The following KCMF1 variants were observed in gnomAD, a reference collection of about 807,000 sequenced individuals.
The protein encoded by KCMF1 is E3 ubiquitin-protein ligase KCMF1.
KCMF1 carries 3 observed loss-of-function variants against 41.1 expected under a neutral mutation model. That is an observed-to-expected ratio of 0.07 (90% CI 0.03 to 0.19). The LOEUF (loss-of-function observed/expected upper bound fraction) is 0.19, where lower values mean the gene tolerates loss of function less well. Among genes scored for constraint, KCMF1 ranks in the 10% least tolerant of loss-of-function variants. The pLI is 1.00. For missense variants in KCMF1, 286 were observed against 488.9 expected, an observed-to-expected ratio of 0.58 and a Z score of 3.91; for synonymous variants, 142 against 164.5, an observed-to-expected ratio of 0.86 and a Z score of 1.04.
intron 1 of KCMF1, among the ~76,000 whole-genome samples, chr2:84,999,580 A>G (rs951780553): frequency 6.6e-6 from 1 of 152,262 alleles, no homozygotes; most frequent in Non-Finnish European, 1.5e-5. Flanking sequence ...CCTACTTACA[A>G]TAAATAAGTT....
intron 1 of KCMF1, among the ~76,000 whole-genome samples, chr2:85,025,496 T>A (rs1675075854): frequency 6.6e-6 from 1 of 152,290 alleles, no homozygotes; most frequent in African/African-American, 2.4e-5. Flanking sequence ...ACTTGAAAAC[T>A]CTCTACCCAC....
At chr2:85,048,838 C>T (rs1675734182) in intron 5 of KCMF1, among the ~76,000 whole-genome samples, 1 of 152,214 alleles carries the variant, frequency 6.6e-6, no homozygotes, top group Non-Finnish European at 1.5e-5. Context: ...AGGGAGAAAG[C>T]AGAGGCAGAG....
intron 1 of KCMF1, among the ~76,000 whole-genome samples, chr2:85,024,585 T>A (rs60443982): frequency 0.25 from 21,457 of 84,578 alleles, 1,998 homozygotes; most frequent in East Asian, 0.57. Context: ...AGAGAGAGAG[T>A]GTGTGTGTGT....
At chr2:84,998,060 C>T (rs1674219353) in intron 1 of KCMF1, among the ~76,000 whole-genome samples, 1 of 149,996 alleles carries the variant, frequency 6.7e-6, no homozygotes, top group African/African-American at 2.5e-5. Flanking sequence ...GGCATAAGCC[C>T]CCGTGCCCAG....
intron 6 of KCMF1, among the ~76,000 whole-genome samples, chr2:85,050,695 T>G (rs2104067223): frequency 6.6e-6 from 1 of 152,300 alleles, no homozygotes; most frequent in East Asian, 1.9e-4. Flanking sequence ...AACTGTAAAA[T>G]GAAGAATAAA....
In KCMF1 at chr2:85,055,240, CTG is replaced by C. The variant is rs1486917128; in HGVS notation, c.*1833_*1834del. ...ACATTTCAATAAAGCATTTTCAAGACTGTTGACCACTTGAATTTCTTTGGTGT... is the reference window on the plus strand; with the variant it reads ...ACATTTCAATAAAGCATTTTCAAGACTTGACCACTTGAATTTCTTTGGTGT... On this transcript the variant is annotated 3_prime_UTR_variant, in exon 7 of 7. Coordinates refer to ENST00000409785, the MANE Select transcript of KCMF1 (RefSeq NM_020122.5). The C allele has an allele frequency of 1.3e-5, 2 of 152,212 alleles. No individual in the cohort carries two copies. The highest frequency in any genetic ancestry group is 1.3e-4 in the Admixed American group (2 of 15,284). 9.4% of individuals were successfully genotyped at this position (152,212 alleles called of 1,614,324 possible).
intron 1 of KCMF1, among the ~76,000 whole-genome samples, chr2:84,986,788 A>G (rs112146784): frequency 0.017 from 2,652 of 151,968 alleles, 61 homozygotes; most frequent in African/African-American, 0.061. Context: ...AGGCTGAGGC[A>G]GGAGACTCGC....
At chr2:85,017,180 G>A (rs1158188561) in intron 1 of KCMF1, among the ~76,000 whole-genome samples, 3 of 151,944 alleles carry the variant, frequency 2.0e-5, no homozygotes, top group Admixed American at 6.6e-5. Context: ...GCCCGCCACT[G>A]CGCCCGGCTA....
rs112482381 is a variant in KCMF1 at position 84,980,408 on chromosome 2, C to G, written c.16+8941C>G. 8.1e-3 allele frequency among the ~76,000 whole-genome samples: 1,240 copies of G among 152,204 alleles called. 12 individuals carry two copies. Among genetic ancestry groups the G allele is most frequent in the African/African-American group, 0.028 (1,184 of 41,544 alleles). On this transcript the variant is annotated intron_variant, in intron 1 of 6. Coordinates refer to ENST00000409785, the MANE Select transcript of KCMF1 (RefSeq NM_020122.5). ...CACGCCTGATGGAATGTCTTGAGAGCTGGGTACCAGGAAGTGAAAACACTG... is the reference window on the plus strand; with the variant it reads ...CACGCCTGATGGAATGTCTTGAGAGGTGGGTACCAGGAAGTGAAAACACTG...
intron 6 of KCMF1, among the ~76,000 whole-genome samples, chr2:85,051,176 G>A (rs1250629975): frequency 6.6e-6 from 1 of 152,338 alleles, no homozygotes; most frequent in East Asian, 1.9e-4. Context: ...GTCAGTAACT[G>A]TGCCTGGTTA....
intron 1 of KCMF1, among the ~76,000 whole-genome samples, chr2:84,993,093 G>A (rs1332795373): frequency 6.6e-6 from 1 of 151,738 alleles, no homozygotes; most frequent in African/African-American, 2.4e-5. Flanking sequence ...AGGCTGAGAT[G>A]AAAGGATCAC....
intron 2 of KCMF1, among the ~76,000 whole-genome samples, chr2:85,032,420 A>G (rs1675299354): frequency 6.6e-6 from 1 of 151,784 alleles, no homozygotes; most frequent in African/African-American, 2.4e-5. Flanking sequence ...CTTGTCACCC[A>G]GGCTGGAGTG....
chr2:85,054,318 A>G lies in KCMF1; in HGVS notation c.*909A>G, dbSNP rs1419610238. ...TGTTGTCTTTGTTTTTAAAAATCTC[A>G]CATTCTCAATCATATTTTGCATTAT... On this transcript the variant is annotated 3_prime_UTR_variant, in exon 7 of 7. Transcript: ENST00000409785. 1 of 152,180 alleles carries G rather than the reference A, an allele frequency of 6.6e-6. No homozygotes were observed. Among genetic ancestry groups the G allele is most frequent in the African/African-American group, 2.4e-5 (1 of 41,446 alleles). 9.4% of individuals were successfully genotyped at this position (152,180 alleles called of 1,614,324 possible).
chr2:85,004,436 C>A (rs1304487384), intron 1 of KCMF1, among the ~76,000 whole-genome samples: 1 of 151,824 alleles, frequency 6.6e-6, no homozygotes, highest in African/African-American at 2.4e-5. Context: ...GGCGTGAACC[C>A]AGGAGGTGGA....
intron 1 of KCMF1, among the ~76,000 whole-genome samples, chr2:85,024,209 GCT>G (rs1675025946): frequency 6.6e-6 from 1 of 152,226 alleles, no homozygotes; most frequent in African/African-American, 2.4e-5. Context: ...GAGCGTGGTG[GCT>G]CACGCCTGTT....
chr2:85,017,012 C>CTTTTTTTT (rs768880385), intron 1 of KCMF1, among the ~76,000 whole-genome samples: 7 of 99,524 alleles, frequency 7.0e-5, no homozygotes, highest in East Asian at 3.0e-4. Context: ...AGATCCTCTT[C>CTTTTTTTT]TTTTTTTTTT....
chr2:85,024,019 C>G (rs1354374562), intron 1 of KCMF1, among the ~76,000 whole-genome samples: 1 of 152,026 alleles, frequency 6.6e-6, no homozygotes, highest in Non-Finnish European at 1.5e-5. Flanking sequence ...CTTTGAGTGC[C>G]CTTTGACAGG....
rs117079231 is a variant in KCMF1 at position 85,001,764 on chromosome 2, C to T, written c.17-26125C>T. On this transcript the variant is annotated intron_variant, in intron 1 of 6. Coordinates refer to ENST00000409785, the MANE Select transcript of KCMF1 (RefSeq NM_020122.5). ...TACAACCTGTAGTTTGAAAAACACA[C>T]GATCACATGTTGCCTAGCAACATAG... 5.2e-3 allele frequency among the ~76,000 whole-genome samples: 790 copies of T among 152,240 alleles called. 25 individuals carry two copies. In the East Asian group the frequency reaches 0.076, roughly 15 times the overall value.
chr2:84,980,972 G>A (rs879852530), intron 1 of KCMF1, among the ~76,000 whole-genome samples: 8 of 151,836 alleles, frequency 5.3e-5, no homozygotes, highest in Admixed American at 5.3e-4. Context: ...CACAGTGCCA[G>A]CCAGCAGTCC....
Sources: gnomAD v4.1 joint callset for allele counts (sites outside exome capture counted in the v4.1 genomes callset) on GRCh38, gnomAD v4.1.1 for gene constraint, MANE v1.5 for transcripts, NCBI Gene and HGNC (gene_info 2026-07-23, HGNC 2026-07-21) for gene names.